The following KCNN3 variants were observed in gnomAD, a reference collection of about 807,000 sequenced individuals.
KCNN3 encodes potassium calcium-activated channel subfamily N member 3, also known as small conductance calcium-activated potassium channel protein 3.
KCNN3 carries 16 observed loss-of-function variants against 62.9 expected under a neutral mutation model. The ratio of observed to expected loss-of-function variants is 0.25; its 90% CI spans 0.17 to 0.39. The LOEUF is 0.39. KCNN3 is among the 10% of genes least tolerant of loss of function. The probability of loss-of-function intolerance (pLI) is 1.00; values close to 1 mark genes in which losing one functional copy is unlikely to be tolerated. For synonymous variants in KCNN3, 370 were observed against 389.2 expected (o/e 0.95, Z 0.58); for missense variants, 599 against 949.4 (o/e 0.63, Z 4.85).
In KCNN3 at chr1:154,772,484, C is replaced by T; in HGVS notation, c.1030-91G>A. On this transcript the variant is annotated intron_variant, in intron 2 of 7. Transcript: ENST00000271915. The surrounding 1 kb of genome is among the most constrained non-coding windows in gnomAD (Gnocchi z 5.6). ...GACAGGTGGGGCAGGCTGGGGCAGG[C>T]TGCTGGGCTCAGGTCAGCCTGACCA... is the stretch of plus-strand genomic sequence containing the variant. 7.5e-7 allele frequency: 1 copy of T among 1,339,118 alleles called. No individual in the cohort carries two copies. 83.0% of individuals were successfully genotyped at this position (1,339,118 alleles called of 1,614,324 possible). A position where few individuals can be genotyped will look rare whatever the true frequency, so the allele number is the denominator to read the frequency against.
rs544001004 is a variant in KCNN3 at position 154,745,691 on chromosome 1, C to T, written c.1449-12547G>A. ...TCTTCTTAGAGGGAAGCACTGTCAA[C>T]CTCTTTGAAATTAAAAACCAGATGG... On this transcript the variant is annotated intron_variant, in intron 3 of 7. Coordinates refer to ENST00000271915, the MANE Select transcript of KCNN3 (RefSeq NM_002249.6). 2.0e-5 allele frequency among the ~76,000 whole-genome samples: 3 copies of T among 152,204 alleles called. No individual in the cohort carries two copies. The East Asian group carries it at 5.8e-4, about 29-fold the overall frequency.
intron 2 of KCNN3, among the ~76,000 whole-genome samples, chr1:154,793,691 CA>C (rs1419822734): frequency 3.9e-5 from 6 of 152,114 alleles, no homozygotes; most frequent in Non-Finnish European, 7.4e-5. Context: ...AAATAGAACA[CA>C]AAAAGCCTGC....
intron 5 of KCNN3, among the ~76,000 whole-genome samples, chr1:154,723,542 ATTGT>A (rs1700401349): frequency 6.6e-6 from 1 of 152,178 alleles, no homozygotes; most frequent in African/African-American, 2.4e-5. Flanking sequence ...TTGCAGAAAA[ATTGT>A]TTATTTTCCT....
chr1:154,717,550 A>AT (rs199765246), intron 5 of KCNN3, among the ~76,000 whole-genome samples: 4,346 of 147,914 alleles, frequency 0.029, 174 homozygotes, highest in African/African-American at 0.099. Flanking sequence ...AGAGCACTGG[A>AT]TTTTTTTTTT....
At chr1:154,830,411 C>T (rs1651334218) in intron 1 of KCNN3, among the ~76,000 whole-genome samples, 1 of 152,342 alleles carries the variant, frequency 6.6e-6, no homozygotes, top group East Asian at 1.9e-4. Flanking sequence ...CAGAACATCA[C>T]CCTTGCAGGC....
intron 1 of KCNN3, among the ~76,000 whole-genome samples, chr1:154,828,724 AAG>A (rs993249718): frequency 1.3e-5 from 2 of 152,208 alleles, no homozygotes; most frequent in Non-Finnish European, 2.9e-5. Context: ...TTTTCACACA[AAG>A]AGAAGCATGC....
intron 2 of KCNN3, among the ~76,000 whole-genome samples, chr1:154,784,765 C>CTG (rs1209088606): frequency 6.6e-6 from 1 of 152,270 alleles, no homozygotes; most frequent in Non-Finnish European, 1.5e-5. Flanking sequence ...AGGTCCTGTG[C>CTG]TGTGTGCCTT....
chr1:154,704,360 C>T lies in KCNN3; in HGVS notation c.*3616G>A, dbSNP rs189092599. 2.2e-4 allele frequency: 34 copies of T among 152,276 alleles called. No individual in the cohort carries two copies. The highest frequency in any genetic ancestry group is 1.4e-3 in the Admixed American group (21 of 15,298). 9.4% of individuals were successfully genotyped at this position (152,276 alleles called of 1,614,324 possible). ...AGAGCAGTTCATAGACACTTTATGA[C>T]AATTTATTGATGATGATCATATATA... is the stretch of plus-strand genomic sequence containing the variant. On this transcript the variant is annotated 3_prime_UTR_variant, in exon 8 of 8. Coordinates refer to ENST00000271915, the MANE Select transcript of KCNN3 (RefSeq NM_002249.6).
intron 1 of KCNN3, among the ~76,000 whole-genome samples, chr1:154,823,570 TA>T (rs1650991169): frequency 6.6e-6 from 1 of 152,144 alleles, no homozygotes; most frequent in East Asian, 1.9e-4. Context: ...TGACTCGCAG[TA>T]CAGAGCACTG....
chr1:154,711,925 A>G (rs984805582), intron 7 of KCNN3, among the ~76,000 whole-genome samples: 2 of 151,632 alleles, frequency 1.3e-5, no homozygotes, highest in African/African-American at 4.9e-5. Context: ...GAAGAGAGAG[A>G]CAGGGAAAGG....
intron 1 of KCNN3, among the ~76,000 whole-genome samples, chr1:154,853,962 G>A (rs1036950138): frequency 1.0e-4 from 15 of 149,992 alleles, no homozygotes; most frequent in South Asian, 4.2e-4. Context: ...AAAGCTGGGC[G>A]CGGTGGCTTA....
At chr1:154,767,055 A>G (rs1280340094) in intron 3 of KCNN3, among the ~76,000 whole-genome samples, 1 of 151,804 alleles carries the variant, frequency 6.6e-6, no homozygotes, top group African/African-American at 2.4e-5. Flanking sequence ...AGATGGGAGG[A>G]GGAGGGAGCT....
chr1:154,759,146 C>T (rs12038684), intron 3 of KCNN3, among the ~76,000 whole-genome samples: 27,394 of 152,146 alleles, frequency 0.18, 2,831 homozygotes, highest in South Asian at 0.27. Flanking sequence ...CTAGCAGCTG[C>T]GCTATGTGAG....
intron 2 of KCNN3, among the ~76,000 whole-genome samples, chr1:154,820,208 G>C (rs1650833090): frequency 6.6e-6 from 1 of 152,228 alleles, no homozygotes; most frequent in Non-Finnish European, 1.5e-5. Flanking sequence ...GCTGCAGCTG[G>C]ACCAGAACAG....
intron 3 of KCNN3, among the ~76,000 whole-genome samples, chr1:154,739,466 G>A (rs911122332): frequency 6.6e-6 from 1 of 151,984 alleles, no homozygotes; most frequent in African/African-American, 2.4e-5. Flanking sequence ...TTCCATGTAG[G>A]CAGGATTACC....
intron 2 of KCNN3, among the ~76,000 whole-genome samples, chr1:154,784,952 G>C (rs1330277979): frequency 3.5e-4 from 1 of 2,834 alleles, no homozygotes; most frequent in Non-Finnish European, 2.5e-3. Context: ...TGACTACTGT[G>C]TGTGCTGCCC....
At chr1:154,851,575 G>A (rs547551398) in intron 1 of KCNN3, among the ~76,000 whole-genome samples, 2 of 152,244 alleles carry the variant, frequency 1.3e-5, no homozygotes, top group African/African-American at 4.8e-5. Context: ...AAAAGTCTCA[G>A]CCTCATCCTT....
chr1:154,846,954 G>A (rs991289721), intron 1 of KCNN3, among the ~76,000 whole-genome samples: 4 of 152,178 alleles, frequency 2.6e-5, no homozygotes, highest in Non-Finnish European at 5.9e-5. Context: ...ACACATGGAT[G>A]TGACCAAAGC....
intron 3 of KCNN3, among the ~76,000 whole-genome samples, chr1:154,769,387 T>A (rs1648448482): frequency 6.6e-6 from 1 of 152,216 alleles, no homozygotes; most frequent in South Asian, 2.1e-4. Flanking sequence ...TCATTGTTCC[T>A]CTGTGCCTTG....
Sources: allele counts gnomAD v4.1 joint callset (sites outside exome capture counted in the v4.1 genomes callset), GRCh38; gene constraint gnomAD v4.1.1; non-coding constraint Gnocchi (gnomAD v3.1); transcripts MANE v1.5; gene names NCBI Gene and HGNC (gene_info 2026-07-23, HGNC 2026-07-21).